Variants in SLC25A51 observed in about 807,000 individuals in gnomAD.
The protein encoded by SLC25A51 is solute carrier family 25 member 51, also known as mitochondrial nicotinamide adenine dinucleotide transporter SLC25A51.
In SLC25A51, 11 loss-of-function variants were observed where a neutral mutation model predicts 19.1. The observed-to-expected ratio is 0.58, with a 90% confidence interval of 0.36 to 0.96. SLC25A51 has a LOEUF of 0.96. SLC25A51 is among the 40% of genes least tolerant of loss of function. The pLI is 0.01. For synonymous variants in SLC25A51, 105 were observed against 133.6 expected (o/e 0.79, Z 1.47); for missense variants, 201 against 365.4 (o/e 0.55, Z 3.67).
chr9:37,901,182 T>C (rs186043943), intron 1 of SLC25A51, among the ~76,000 whole-genome samples: 1 of 151,928 alleles, frequency 6.6e-6, no homozygotes, highest in Admixed American at 6.6e-5. Flanking sequence ...AAAAAATTTT[T>C]TTTTTGAGAC....
intron 2 of SLC25A51, among the ~76,000 whole-genome samples, chr9:37,895,140 G>A (rs1269032896): frequency 6.6e-6 from 1 of 151,778 alleles, no homozygotes; most frequent in Admixed American, 6.6e-5. Context: ...TTTCTATTTC[G>A]CCTTTAAACA....
chr9:37,898,326 C>A (rs960300107), intron 2 of SLC25A51, among the ~76,000 whole-genome samples: 1 of 152,130 alleles, frequency 6.6e-6, no homozygotes, highest in South Asian at 2.1e-4. Context: ...GAGGCTGAGA[C>A]GGGTGGATCA....
At chr9:37,888,761 T>C (rs1028585138) in intron 2 of SLC25A51, among the ~76,000 whole-genome samples, 169 bp from the exon 3 acceptor site, 2 of 152,238 alleles carry the variant, frequency 1.3e-5, no homozygotes, top group African/African-American at 2.4e-5. Context: ...TGAGATCCTT[T>C]TGGGAGTCCA....
chr9:37,898,655 T>C (rs1039628017), intron 2 of SLC25A51, among the ~76,000 whole-genome samples: 76 of 152,072 alleles, frequency 5.0e-4, no homozygotes, highest in South Asian at 6.2e-4. Flanking sequence ...GGAGGCAAGG[T>C]TGCAGTGAGC....
At chr9:37,899,268 T>C (rs905694666) in intron 2 of SLC25A51, among the ~76,000 whole-genome samples, 1 of 152,254 alleles carries the variant, frequency 6.6e-6, no homozygotes, top group Non-Finnish European at 1.5e-5. Flanking sequence ...TCTTGCAATA[T>C]GTGGATAAAT....
At chr9:37,880,796 C>A in intron 3 of SLC25A51, 1 of 152,204 alleles carries the variant, frequency 6.6e-6, no homozygotes, top group African/African-American at 2.4e-5. Context: ...AGATGGGAAC[C>A]AGTCTCTTGG....
downstream of SLC25A51, among the ~76,000 whole-genome samples, chr9:37,883,591 G>A (rs1016966030): frequency 2.0e-5 from 3 of 152,176 alleles, no homozygotes; most frequent in African/African-American, 4.8e-5. Context: ...TCTATTCCCA[G>A]GGCCAAGGTA....
chr9:37,903,332 G>T (rs1309642476), intron 1 of SLC25A51, among the ~76,000 whole-genome samples: 3 of 152,176 alleles, frequency 2.0e-5, no homozygotes, highest in Non-Finnish European at 4.4e-5. Context: ...GTAGAGCTGT[G>T]AGATGCAAAA....
intron 1 of SLC25A51, among the ~76,000 whole-genome samples, chr9:37,901,676 GA>G (rs1033728991): frequency 2.0e-5 from 3 of 151,636 alleles, no homozygotes; most frequent in Non-Finnish European, 2.9e-5. Flanking sequence ...AGATTAAAGG[GA>G]AAAAAAAGGT....
intron 2 of SLC25A51, among the ~76,000 whole-genome samples, chr9:37,890,621 AG>A (rs1831561875): frequency 6.6e-6 from 1 of 151,724 alleles, no homozygotes; most frequent in Admixed American, 6.6e-5. Flanking sequence ...TCTTGAGCCC[AG>A]GAAGTTCAGG....
At chr9:37,889,679 C>T (rs1346420194) in intron 2 of SLC25A51, among the ~76,000 whole-genome samples, 1 of 150,524 alleles carries the variant, frequency 6.6e-6, no homozygotes, top group Non-Finnish European at 1.5e-5. Context: ...ATCCCTGCTA[C>T]CATATCACAG....
intron 1 of SLC25A51, among the ~76,000 whole-genome samples, chr9:37,900,572 G>A (rs1199168014): frequency 2.6e-5 from 4 of 152,078 alleles, no homozygotes; most frequent in African/African-American, 9.7e-5. Flanking sequence ...AGGACCACAG[G>A]CGCATGCCAC....
At chr9:37,889,170 C>G (rs896581417) in intron 2 of SLC25A51, among the ~76,000 whole-genome samples, 1 of 152,180 alleles carries the variant, frequency 6.6e-6, no homozygotes, top group African/African-American at 2.4e-5. Context: ...TTCGTAATTA[C>G]TGACTACACT....
At chr9:37,881,626 G>A (rs1342879284) in exon 3 of SLC25A51, 1 of 152,110 alleles carries the variant, frequency 6.6e-6, no homozygotes, top group Non-Finnish European at 1.5e-5. Flanking sequence ...CCAGGCAATA[G>A]AAACCCTGTC....
chr9:37,886,033 T>C, downstream of SLC25A51: 2 of 1,613,576 alleles, frequency 1.2e-6, no homozygotes, highest in Admixed American at 3.3e-5. Flanking sequence ...CTATCTATGC[T>C]GACCTCTCCC....
downstream of SLC25A51, chr9:37,878,080 T>C (rs1190216039): frequency 6.4e-6 from 1 of 155,322 alleles, no homozygotes; most frequent in East Asian, 1.9e-4. Context: ...CCTCTCAGCA[T>C]GGGTGCAACT....
chr9:37,889,188 G>T (rs1238700930), intron 2 of SLC25A51, among the ~76,000 whole-genome samples: 1 of 152,062 alleles, frequency 6.6e-6, no homozygotes, highest in East Asian at 1.9e-4. Context: ...ACTATATACG[G>T]TATCTATCTA....
rs202108033 is a variant in SLC25A51, at chr9:37,894,422, G to A, written c.-43+5407C>T. ...GCTCACTGCAACCTCCACCTCCTGGGTTCAACTGATTCTCCTGCCTCAGCC... is the reference window on the plus strand; with the variant it reads ...GCTCACTGCAACCTCCACCTCCTGGATTCAACTGATTCTCCTGCCTCAGCC... On this transcript the variant is annotated intron_variant, in intron 2 of 2. Transcript: ENST00000242275. Among the ~76,000 whole-genome samples the A allele has an allele frequency of 1.4e-3, 209 of 151,824 alleles. 6 individuals carry two copies. In the East Asian group the frequency reaches 0.035, roughly 25 times the overall value.
intron 2 of SLC25A51, among the ~76,000 whole-genome samples, chr9:37,894,485 C>T (rs1391634028): frequency 6.6e-6 from 1 of 152,022 alleles, no homozygotes; most frequent in East Asian, 1.9e-4. Flanking sequence ...CGCCACCATG[C>T]CTGGCTAATT....
Sources: gnomAD v4.1 joint callset for allele counts (sites outside exome capture counted in the v4.1 genomes callset) on GRCh38, gnomAD v4.1.1 for gene constraint, MANE v1.5 for transcripts, NCBI Gene and HGNC (gene_info 2026-07-23, HGNC 2026-07-21) for gene names.